CNTN5: variants seen among roughly 807,000 people sequenced by gnomAD.
CNTN5 encodes the protein contactin-5.
A neutral mutation model predicts 129.1 loss-of-function variants in CNTN5; 77 were observed. The ratio of observed to expected loss-of-function variants is 0.60; its 90% CI spans 0.50 to 0.72. The LOEUF is 0.72. Ranked by LOEUF, CNTN5 falls within the 30% of genes least tolerant of loss-of-function variation. The probability of loss-of-function intolerance (pLI) is 0.00; values close to 1 mark genes in which losing one functional copy is unlikely to be tolerated. For missense variants in CNTN5, 1,478 were observed against 1,328.8 expected (o/e 1.11, Z -1.75); for synonymous variants, 509 against 465.6 (o/e 1.09, Z -1.20).
intron 1 of CNTN5, chr11:99,120,092 T>C (rs1046085409): frequency 6.6e-6 from 1 of 152,170 alleles, no homozygotes; most frequent in Non-Finnish European, 1.5e-5. Context: ...ATTCTGTTGA[T>C]AGTTCTTTTA....
At chr11:99,756,994 T>C (rs1366968257) in intron 3 of CNTN5, among the ~76,000 whole-genome samples, 15 of 152,036 alleles carry the variant, frequency 9.9e-5, no homozygotes, top group African/African-American at 3.4e-4. Context: ...CGTCTTTTTA[T>C]ACATGTGTCA....
Position 100,156,960 on chromosome 11 carries a change from T to A in CNTN5, c.1581-34166T>A, listed in dbSNP as rs988542146. Among the ~76,000 whole-genome samples the A allele has an allele frequency of 3.3e-5, 5 of 152,130 alleles. No individual in the cohort carries two copies. The East Asian group carries it at 9.7e-4, about 30-fold the overall frequency. On this transcript the variant is annotated intron_variant, in intron 13 of 24. Transcript: ENST00000524871. ...ACCAGCTCCTGGATTCACAGATTTT[T>A]TGAAGTTTTTCGTGTGTGTGTCTCT...
chr11:99,133,615 C>CAAAAAAAAAAAAAAAA lies in CNTN5; in HGVS notation c.-210+112347_-210+112348insAAAAAAAAAAAAAAAA, dbSNP rs566769880. Among the ~76,000 whole-genome samples the CAAAAAAAAAAAAAAAA allele has an allele frequency of 1.4e-4, 15 of 106,004 alleles. 4 individuals are homozygous for CAAAAAAAAAAAAAAAA. The highest frequency in any genetic ancestry group is 1.5e-4 in the Non-Finnish European group (8 of 53,000). 69.5% of individuals were successfully genotyped at this position (106,004 alleles called of 152,430 possible). ...GCAAAGGATAGGAACAGACACTTCT[C>CAAAAAAAAAAAAAAAA]AAGAAAAAAAAAAGACCATACATGC... On this transcript the variant is annotated intron_variant, in intron 1 of 24. Transcript: ENST00000524871.
chr11:99,312,680 AGT>A (rs1429480359), intron 1 of CNTN5, among the ~76,000 whole-genome samples: 1 of 152,154 alleles, frequency 6.6e-6, no homozygotes, highest in Non-Finnish European at 1.5e-5. Context: ...CAATTCAGAT[AGT>A]GTGTGTGAAA....
At chr11:99,556,119 A>G in intron 2 of CNTN5, 26 bp from the exon 3 acceptor site, 1 of 602,496 alleles carries the variant, frequency 1.7e-6, no homozygotes, top group South Asian at 3.4e-5. Flanking sequence ...CCTCTGTTTA[A>G]GAAAATTGTT....
chr11:99,631,080 C>A (rs1951330681), intron 3 of CNTN5, among the ~76,000 whole-genome samples: 1 of 152,056 alleles, frequency 6.6e-6, no homozygotes, highest in Non-Finnish European at 1.5e-5. Flanking sequence ...GGTTTTATTT[C>A]CATGAAATTA....
chr11:99,123,205 C>A (rs1219184182), intron 1 of CNTN5, among the ~76,000 whole-genome samples: 1 of 151,672 alleles, frequency 6.6e-6, no homozygotes, highest in African/African-American at 2.4e-5. Context: ...ACCTCATTAG[C>A]ATGTTTTTTT....
intron 2 of CNTN5, among the ~76,000 whole-genome samples, chr11:99,490,809 G>T (rs1340764960): frequency 6.6e-6 from 1 of 152,036 alleles, no homozygotes; most frequent in Non-Finnish European, 1.5e-5. Flanking sequence ...TAAAAGTTTT[G>T]CTCCACTGGG....
intron 10 of CNTN5, among the ~76,000 whole-genome samples, chr11:100,069,965 G>A (rs914352352): frequency 1.3e-5 from 2 of 151,880 alleles, no homozygotes; most frequent in African/African-American, 4.8e-5. Flanking sequence ...AGTGAAATCT[G>A]GATTCACAAA....
intron 13 of CNTN5, among the ~76,000 whole-genome samples, chr11:100,094,255 T>A (rs1487117208): frequency 1.3e-5 from 2 of 152,058 alleles, no homozygotes; most frequent in East Asian, 1.9e-4. Context: ...GACTGAAAAC[T>A]TCTTCTTTCT....
intron 6 of CNTN5, among the ~76,000 whole-genome samples, chr11:99,905,921 T>C (rs1591396108): frequency 6.6e-6 from 1 of 152,336 alleles, no homozygotes; most frequent in East Asian, 1.9e-4. Flanking sequence ...GGAAGTTCAC[T>C]CATCATTTGG....
chr11:99,412,201 A>G (rs2135014006), intron 2 of CNTN5, among the ~76,000 whole-genome samples: 1 of 152,344 alleles, frequency 6.6e-6, no homozygotes, highest in Admixed American at 6.5e-5. Context: ...TTCAGAGTTT[A>G]TAGAATATTG....
At chr11:99,560,439 G>C (rs1948805443) in intron 3 of CNTN5, among the ~76,000 whole-genome samples, 1 of 151,824 alleles carries the variant, frequency 6.6e-6, no homozygotes, top group South Asian at 2.1e-4. Context: ...TTACAGATGT[G>C]TGCCACCATG....
At chr11:99,439,123 C>A (rs529426189) in intron 2 of CNTN5, among the ~76,000 whole-genome samples, 5 of 151,988 alleles carry the variant, frequency 3.3e-5, no homozygotes, top group Admixed American at 6.6e-5. Flanking sequence ...ATAAAAAATG[C>A]CCATGGGAGA....
intron 6 of CNTN5, among the ~76,000 whole-genome samples, chr11:99,895,781 T>G (rs72991398): frequency 8.5e-4 from 130 of 152,260 alleles, no homozygotes; most frequent in Non-Finnish European, 1.4e-3. Context: ...GAGGCACTGC[T>G]CAAGCCCACA....
At chr11:100,189,275 A>AC (rs1460476816) in intron 13 of CNTN5, among the ~76,000 whole-genome samples, 2 of 151,902 alleles carry the variant, frequency 1.3e-5, no homozygotes, top group Admixed American at 6.6e-5. Flanking sequence ...TTAAAAAAAA[A>AC]AAAAAAAACC....
In CNTN5 at chr11:99,448,320, A is replaced by G. The variant is rs181434463; in HGVS notation, c.-70-107825A>G. Among the ~76,000 whole-genome samples, 191 of 152,328 alleles carry G rather than the reference A, an allele frequency of 1.3e-3. 1 individual carries two copies. The highest frequency in any genetic ancestry group is 4.4e-3 in the African/African-American group (185 of 41,574). Reference sequence around the variant, plus strand: ...GAAAAGCAGAAATTTGTTTGACTACATTAATAAGTTTACTTGACATAAAAA... The same window carrying G: ...GAAAAGCAGAAATTTGTTTGACTACGTTAATAAGTTTACTTGACATAAAAA... On this transcript the variant is annotated intron_variant, in intron 2 of 24. Transcript: ENST00000524871.
chr11:99,611,447 T>C (rs933550980), intron 3 of CNTN5, among the ~76,000 whole-genome samples: 4 of 152,138 alleles, frequency 2.6e-5, no homozygotes, highest in African/African-American at 9.7e-5. Context: ...TTAATCACAG[T>C]CCTTCTAGTA....
intron 20 of CNTN5, among the ~76,000 whole-genome samples, chr11:100,303,667 C>T (rs1038631218): frequency 6.6e-6 from 1 of 151,582 alleles, no homozygotes; most frequent in Non-Finnish European, 1.5e-5. Flanking sequence ...AAAGCCTGTC[C>T]TCATTTGCAG....
Sources: gnomAD v4.1 joint callset for allele counts (sites outside exome capture counted in the v4.1 genomes callset) on GRCh38, gnomAD v4.1.1 for gene constraint, MANE v1.5 for transcripts, NCBI Gene and HGNC (gene_info 2026-07-23, HGNC 2026-07-21) for gene names.